ATCAY: variants seen among roughly 807,000 people sequenced by gnomAD.
ATCAY encodes the protein ATCAY kinesin light chain interacting caytaxin, also known as caytaxin.
ATCAY carries 22 observed loss-of-function variants against 47.7 expected under a neutral mutation model. That is an observed-to-expected ratio of 0.46 (90% confidence interval 0.33 to 0.66). ATCAY has a LOEUF of 0.66. ATCAY is among the 30% of genes least tolerant of loss of function. The pLI is 0.02. For missense variants in ATCAY, 452 were observed against 515.0 expected, an observed-to-expected ratio of 0.88 and a Z score of 1.18; for synonymous variants, 216 against 207.6, an observed-to-expected ratio of 1.04 and a Z score of -0.35.
At chr19:3,885,954 C>A in intron 2 of ATCAY, 110 bp downstream of exon 2, 3 of 1,077,138 alleles carry the variant, frequency 2.8e-6, no homozygotes, top group Non-Finnish European at 4.1e-6. Flanking sequence ...CCGGGGCTGG[C>A]CTGGTTCCAT....
chr19:3,889,653 G>A (rs1412640975), intron 2 of ATCAY, among the ~76,000 whole-genome samples: 4 of 152,046 alleles, frequency 2.6e-5, no homozygotes, highest in South Asian at 4.1e-4. Flanking sequence ...CATAAACAAA[G>A]GCGCATAAGC....
intron 2 of ATCAY, among the ~76,000 whole-genome samples, chr19:3,887,777 C>T (rs1462916927): frequency 2.0e-5 from 3 of 149,316 alleles, no homozygotes; most frequent in Non-Finnish European, 3.0e-5. Flanking sequence ...TGAGCCATCG[C>T]GCCCTACCAC....
At chr19:3,913,692 T>C (rs981228612) in intron 8 of ATCAY, 66 bp from the exon 9 acceptor site, 1 of 1,270,554 alleles carries the variant, frequency 7.9e-7, no homozygotes, top group African/African-American at 1.5e-5. Flanking sequence ...TGGCTCTGTC[T>C]GGACCTAGGT....
intron 2 of ATCAY, chr19:3,895,072 ATCT>A (rs1164567269): frequency 6.6e-6 from 3 of 452,798 alleles, no homozygotes; most frequent in Non-Finnish European, 1.3e-5. Flanking sequence ...AAGCATCACT[ATCT>A]GCCTTGTTCA....
intron 2 of ATCAY, among the ~76,000 whole-genome samples, chr19:3,897,449 G>A (rs1336339095): frequency 2.6e-5 from 4 of 151,608 alleles, no homozygotes; most frequent in Non-Finnish European, 5.9e-5. Context: ...ACAGGGACAC[G>A]CCACCATGCC....
Position 3,915,717 on chromosome 19 carries a change from A to AT in ATCAY, c.965+1881dup, listed in dbSNP as rs58629412. ...AGGCACCCACCACCATGCCCAGCTAATTTTTTTTTTTTTTTTTTTTGAGAT... is the reference window on the plus strand; with the variant it reads ...AGGCACCCACCACCATGCCCAGCTAATTTTTTTTTTTTTTTTTTTTTGAGAT... On this transcript the variant is annotated intron_variant, in intron 9 of 12. Transcript: ENST00000450849. 7.5e-3 allele frequency among the ~76,000 whole-genome samples: 812 copies of AT among 108,898 alleles called. 18 individuals carry two copies. The highest frequency in any genetic ancestry group is 0.023 in the African/African-American group (636 of 28,146). 71.4% of individuals were successfully genotyped at this position (108,898 alleles called of 152,430 possible).
chr19:3,922,288 GAA>G (rs34457221), intron 12 of ATCAY: 199,234 of 692,580 alleles, frequency 0.29, 36,550 homozygotes, highest in South Asian at 0.6. Flanking sequence ...AAATTATAAA[GAA>G]AAGAGGTTTA....
At chr19:3,920,722 CA>C in intron 11 of ATCAY, 43 bp from the exon 12 acceptor site, 10 of 1,528,772 alleles carry the variant, frequency 6.5e-6, no homozygotes, top group East Asian at 2.3e-5. Flanking sequence ...CCCAGGCTCC[CA>C]AAAATAAGCA....
intron 2 of ATCAY, among the ~76,000 whole-genome samples, chr19:3,899,665 T>C (rs2038799137): frequency 6.6e-6 from 1 of 152,110 alleles, no homozygotes; most frequent in African/African-American, 2.4e-5. Context: ...CGCCCTTCCA[T>C]CTAAACAGCT....
At position 3,902,511 on chromosome 19, in the gene ATCAY, G is replaced by T; in HGVS notation, c.102G>T (p.Val34=). Residue 34 remains valine (V), a synonymous_variant, in exon 3 of 13, where the codon GTG becomes GTT. Transcript: ENST00000450849. The part of the protein sequence containing the change: ...LPRPLPEETG[V]ELLGSPVEDT... The stretch of plus-strand genomic sequence containing the variant: ...GGCCACTCCCAGAAGAGACGGGGGT[G>T]GAACTGCTTGGCAGCCCGGTGGAAG... The T allele has an allele frequency of 6.3e-7, 1 of 1,580,242 alleles. No individual in the cohort carries two copies. Among genetic ancestry groups the T allele is most frequent in the East Asian group, 2.3e-5 (1 of 43,130 alleles).
chr19:3,889,115 A>C (rs2038690960), intron 2 of ATCAY, among the ~76,000 whole-genome samples: 1 of 152,150 alleles, frequency 6.6e-6, no homozygotes, highest in African/African-American at 2.4e-5. Context: ...TAAAAAAACA[A>C]AAAACAAACA....
chr19:3,887,816 A>G (rs2038675986), intron 2 of ATCAY, among the ~76,000 whole-genome samples: 1 of 151,232 alleles, frequency 6.6e-6, no homozygotes, highest in Non-Finnish European at 1.5e-5. Flanking sequence ...AGAGGAAAAA[A>G]AAAAAAAAGG....
chr19:3,908,733 T>TCTCCTCCTCCCCCTCTTCCCCTTCCCC (rs2038891787), intron 6 of ATCAY, among the ~76,000 whole-genome samples: 1 of 68,516 alleles, frequency 1.5e-5, no homozygotes. Context: ...TCCCCTTCCC[T>TCTCCTCCTCCCCCTCTTCCCCTTCCCC]CTCCTCCTCC....
intron 1 of ATCAY, among the ~76,000 whole-genome samples, chr19:3,884,946 A>T (rs1361438047): frequency 2.0e-5 from 3 of 151,532 alleles, no homozygotes; most frequent in East Asian, 1.9e-4. Flanking sequence ...AAAAGATTTT[A>T]AAAAATTACC....
intron 9 of ATCAY, among the ~76,000 whole-genome samples, chr19:3,915,974 G>A (rs1041709864): frequency 1.3e-5 from 2 of 152,030 alleles, no homozygotes; most frequent in Non-Finnish European, 2.9e-5. Flanking sequence ...ACAGGCATGA[G>A]CCACTGCACC....
In ATCAY at chr19:3,891,972, C is replaced by A. The variant is rs545308984; in HGVS notation, c.77+6128C>A. On this transcript the variant is annotated intron_variant, in intron 2 of 12. Transcript: ENST00000450849. ...TGACGTGACCTCGGCTCGCTGCAAC[C>A]TCCACTTCCCAGGTTCCAGCAATTC... Among the ~76,000 whole-genome samples the A allele has an allele frequency of 2.0e-5, 3 of 152,254 alleles. No homozygotes were observed. In the South Asian group the frequency reaches 6.2e-4, roughly 32 times the overall value.
At chr19:3,886,246 C>T (rs929834190) in intron 2 of ATCAY, among the ~76,000 whole-genome samples, 4 of 151,282 alleles carry the variant, frequency 2.6e-5, no homozygotes, top group Non-Finnish European at 1.5e-5. Flanking sequence ...GTCAGGAGTT[C>T]GAGACCAGCC....
chr19:3,905,196 A>G (rs1204114617), intron 3 of ATCAY, among the ~76,000 whole-genome samples: 1 of 152,108 alleles, frequency 6.6e-6, no homozygotes, highest in East Asian at 1.9e-4. Context: ...CCAATGTCCA[A>G]GCATCCATCC....
chr19:3,911,616 G>T (rs2038923365), intron 8 of ATCAY, among the ~76,000 whole-genome samples: 1 of 151,678 alleles, frequency 6.6e-6, no homozygotes, highest in African/African-American at 2.4e-5. Flanking sequence ...ATTCTATAAT[G>T]TATATCATAT....
Sources: allele counts gnomAD v4.1 joint callset (sites outside exome capture counted in the v4.1 genomes callset), GRCh38; gene constraint gnomAD v4.1.1; transcripts MANE v1.5; gene names NCBI Gene and HGNC (gene_info 2026-07-23, HGNC 2026-07-21).